The following SMIM14 variants were observed in gnomAD, a reference collection of about 807,000 sequenced individuals.
SMIM14 encodes small integral membrane protein 14, also known as chromosome 4 open reading frame 34.
Under a neutral mutation model 12.6 loss-of-function variants are expected in SMIM14, and 5 were observed. That is an observed-to-expected ratio of 0.40 (90% CI 0.21 to 0.83). SMIM14 has a LOEUF of 0.83. Ranked by LOEUF, SMIM14 falls within the 40% of genes least tolerant of loss-of-function variation. The probability of loss-of-function intolerance (pLI) is 0.37; values close to 1 mark genes in which losing one functional copy is unlikely to be tolerated. For missense variants in SMIM14, 86 were observed against 119.1 expected, an observed-to-expected ratio of 0.72 and a Z score of 1.29; for synonymous variants, 30 against 40.1, an observed-to-expected ratio of 0.75 and a Z score of 0.95.
chr4:39,629,964 G>A (rs1045014227), intron 1 of SMIM14, among the ~76,000 whole-genome samples: 3 of 152,078 alleles, frequency 2.0e-5, no homozygotes, highest in African/African-American at 7.2e-5. Context: ...CAAAATACTG[G>A]TGTGTTCTAA....
Position 39,549,327 on chromosome 4 carries a change from C to G in SMIM14, c.*2799G>C, listed in dbSNP as rs1410244076. On this transcript the variant is annotated 3_prime_UTR_variant, in exon 5 of 5. Transcript: ENST00000295958. ...TGAGACAGGGTCTCACTCTGTCACTCAAGCTGGAGTGCAGTGGCGTGATCT... is the reference window on the plus strand; with the variant it reads ...TGAGACAGGGTCTCACTCTGTCACTGAAGCTGGAGTGCAGTGGCGTGATCT... 1 of 152,162 alleles carries G rather than the reference C, an allele frequency of 6.6e-6. No individual in the cohort carries two copies. The highest frequency in any genetic ancestry group is 1.5e-5 in the Non-Finnish European group (1 of 68,176). 9.4% of individuals were successfully genotyped at this position (152,162 alleles called of 1,614,324 possible).
chr4:39,567,990 C>T (rs1006110567), intron 3 of SMIM14, among the ~76,000 whole-genome samples: 22 of 151,912 alleles, frequency 1.4e-4, no homozygotes, highest in South Asian at 8.3e-4. Context: ...TAAATAAGAA[C>T]ATACAGGCCG....
At chr4:39,604,067 T>C (rs1293405500) in intron 2 of SMIM14, among the ~76,000 whole-genome samples, 1 of 151,670 alleles carries the variant, frequency 6.6e-6, no homozygotes, top group Non-Finnish European at 1.5e-5. Context: ...ATGCCATATG[T>C]TGGTGTAGGA....
At chr4:39,560,681 C>T (rs1712264252) in intron 3 of SMIM14, among the ~76,000 whole-genome samples, 1 of 151,964 alleles carries the variant, frequency 6.6e-6, no homozygotes, top group Non-Finnish European at 1.5e-5. Flanking sequence ...TCCCACCTTC[C>T]ACTTAACATA....
intron 1 of SMIM14, among the ~76,000 whole-genome samples, chr4:39,634,118 G>A (rs1218154948): frequency 6.6e-6 from 1 of 152,112 alleles, no homozygotes; most frequent in African/African-American, 2.4e-5. Context: ...TAGTAGAGAC[G>A]GGATTTCACC....
At chr4:39,611,169 G>C (rs1715016714) in intron 1 of SMIM14, among the ~76,000 whole-genome samples, 1 of 152,174 alleles carries the variant, frequency 6.6e-6, no homozygotes, top group African/African-American at 2.4e-5. Flanking sequence ...AAAAATGGAA[G>C]TGTAAATCAA....
At chr4:39,581,297 T>C (rs963249093) in intron 2 of SMIM14, among the ~76,000 whole-genome samples, 1 of 152,134 alleles carries the variant, frequency 6.6e-6, no homozygotes, top group African/African-American at 2.4e-5. Flanking sequence ...TCCTTCTCTA[T>C]TAATGAGCAG....
intron 2 of SMIM14, among the ~76,000 whole-genome samples, chr4:39,592,023 T>A (rs1432034911): frequency 2.1e-5 from 3 of 141,460 alleles, no homozygotes; most frequent in Non-Finnish European, 3.0e-5. Flanking sequence ...TGAGACCCCA[T>A]CTCTACAAAA....
rs923475992 is a variant in SMIM14, at chr4:39,547,373, A to G, written c.*4753T>C. The G allele has an allele frequency of 1.3e-5, 2 of 152,248 alleles. No individual in the cohort carries two copies. Among genetic ancestry groups the G allele is most frequent in the African/African-American group, 4.8e-5 (2 of 41,464 alleles). 9.4% of individuals were successfully genotyped at this position (152,248 alleles called of 1,614,324 possible). ...CCTTTATCCCAATCCAAGTACTCAG[A>G]AAAAGATTAACAACAGACCCTGGAT... is the stretch of plus-strand genomic sequence containing the variant. On this transcript the variant is annotated 3_prime_UTR_variant, in exon 5 of 5. Transcript: ENST00000295958.
At chr4:39,552,264 C>A in intron 4 of SMIM14, 106 bp from the exon 5 acceptor site, 3 of 835,406 alleles carry the variant, frequency 3.6e-6, no homozygotes, top group South Asian at 4.4e-5. Context: ...CCAGTGCAAC[C>A]AATCTAACAC....
In SMIM14 at chr4:39,617,026, C is replaced by G. The variant is rs375996984; in HGVS notation, c.-35-11846G>C. ...TTATACCGGTTATTGTTAAGATGAT[C>G]AGATACTGATTTTTTCTTGTTTTCC... On this transcript the variant is annotated intron_variant, in intron 1 of 4. Coordinates refer to ENST00000295958, the MANE Select transcript of SMIM14 (RefSeq NM_174921.3). Among the ~76,000 whole-genome samples, 4 of 152,186 alleles carry G rather than the reference C, an allele frequency of 2.6e-5. No individual in the cohort carries two copies. In the South Asian group the frequency reaches 8.3e-4, roughly 32 times the overall value.
intron 1 of SMIM14, among the ~76,000 whole-genome samples, chr4:39,616,359 C>T (rs1224657409): frequency 1.3e-5 from 2 of 150,236 alleles, no homozygotes; most frequent in East Asian, 1.9e-4. Context: ...TGGTCTCAAA[C>T]TCCCGGCCTC....
At chr4:39,581,842 C>T (rs993222280) in intron 2 of SMIM14, among the ~76,000 whole-genome samples, 2 of 149,250 alleles carry the variant, frequency 1.3e-5, no homozygotes, top group Admixed American at 6.7e-5. Flanking sequence ...GGATTACAGG[C>T]GTGAGCCACC....
At chr4:39,590,916 C>T (rs553663943) in intron 2 of SMIM14, among the ~76,000 whole-genome samples, 149 of 152,122 alleles carry the variant, frequency 9.8e-4, no homozygotes, top group African/African-American at 3.4e-3. Context: ...AGAGACTCAC[C>T]GTCTATCCTT....
chr4:39,566,085 A>G (rs979495716), intron 3 of SMIM14, among the ~76,000 whole-genome samples: 2 of 151,030 alleles, frequency 1.3e-5, no homozygotes, highest in Non-Finnish European at 2.9e-5. Context: ...ACTAATACAG[A>G]CAGTTAAGAA....
At chr4:39,597,577 G>A (rs10856847) in intron 2 of SMIM14, among the ~76,000 whole-genome samples, 37,691 of 151,218 alleles carry the variant, frequency 0.25, 5,106 homozygotes, top group East Asian at 0.39. Context: ...CCGAGTAGCT[G>A]GGATTACAGG....
chr4:39,577,864 A>G (rs1241418411), intron 2 of SMIM14, among the ~76,000 whole-genome samples: 1 of 152,196 alleles, frequency 6.6e-6, no homozygotes, highest in Non-Finnish European at 1.5e-5. Flanking sequence ...TCTTTGGGAC[A>G]TCTTGCCAAG....
At chr4:39,636,365 T>C (rs1267275948) in intron 1 of SMIM14, among the ~76,000 whole-genome samples, 1 of 152,144 alleles carries the variant, frequency 6.6e-6, no homozygotes, top group Non-Finnish European at 1.5e-5. Context: ...CCTCAGGCTG[T>C]GCTTTCTTTC....
intron 1 of SMIM14, among the ~76,000 whole-genome samples, chr4:39,622,435 T>G (rs935717930): frequency 7.7e-6 from 1 of 129,394 alleles, no homozygotes; most frequent in Non-Finnish European, 1.7e-5. Context: ...GAGTCTCGCT[T>G]TTTTGCCCAG....
Sources: allele counts gnomAD v4.1 joint callset (sites outside exome capture counted in the v4.1 genomes callset), GRCh38; gene constraint gnomAD v4.1.1; transcripts MANE v1.5; gene names NCBI Gene and HGNC (gene_info 2026-07-23, HGNC 2026-07-21).